Variants in PTPN13 observed in about 807,000 individuals in gnomAD.
PTPN13 encodes the protein protein tyrosine phosphatase non-receptor type 13.
In PTPN13, 191 loss-of-function variants were observed where a neutral mutation model predicts 284.0. That is an observed-to-expected ratio of 0.67 (90% CI 0.60 to 0.76). The LOEUF is 0.76. Among genes scored for constraint, PTPN13 ranks in the 30% least tolerant of loss-of-function variants. PTPN13 has a pLI of 0.00. For missense variants in PTPN13, 2,797 were observed against 2,939.9 expected, an observed-to-expected ratio of 0.95 and a Z score of 1.12; for synonymous variants, 986 against 1,022.3, an observed-to-expected ratio of 0.96 and a Z score of 0.68.
chr4:86,713,923 A>AATAT (rs1732711625), intron 7 of PTPN13, among the ~76,000 whole-genome samples: 1 of 152,144 alleles, frequency 6.6e-6, no homozygotes, highest in African/African-American at 2.4e-5. Flanking sequence ...CAACATAAGG[A>AATAT]ATAATTCATC....
chr4:86,803,064 CTG>C (rs143647187), intron 42 of PTPN13, among the ~76,000 whole-genome samples: 6,058 of 135,924 alleles, frequency 0.045, 143 homozygotes, highest in East Asian at 0.11. Context: ...CAGAATAAGA[CTG>C]TGTGTGTGTG....
At chr4:86,761,139 A>AATATATATATAGATATATATAT (rs1738625501) in intron 23 of PTPN13, among the ~76,000 whole-genome samples, 1 of 120,694 alleles carries the variant, frequency 8.3e-6, no homozygotes, top group Non-Finnish European at 1.7e-5. Context: ...TGTGTGTGTA[A>AATATATATATAGATATATATAT]ATATATATAT....
intron 12 of PTPN13, 66 bp from the exon 13 acceptor site, chr4:86,734,237 A>G (rs1387629051): frequency 1.4e-5 from 18 of 1,242,802 alleles, no homozygotes; most frequent in Non-Finnish European, 2.0e-5. Flanking sequence ...CAAAAAGTGA[A>G]GAAATCGGAA....
intron 40 of PTPN13, among the ~76,000 whole-genome samples, chr4:86,790,725 T>A (rs1187538231): frequency 6.6e-6 from 1 of 152,162 alleles, no homozygotes; most frequent in Middle Eastern, 3.2e-3. Context: ...TTGAAGCCAC[T>A]GGGTAAAGGG....
intron 2 of PTPN13, among the ~76,000 whole-genome samples, chr4:86,657,715 G>A (rs1490493647): frequency 1.3e-5 from 2 of 152,198 alleles, no homozygotes; most frequent in East Asian, 1.9e-4. Context: ...CTGGGACTGA[G>A]TCTCTTCCAT....
At chr4:86,668,226 A>G (rs1727309131) in intron 2 of PTPN13, among the ~76,000 whole-genome samples, 1 of 152,210 alleles carries the variant, frequency 6.6e-6, no homozygotes, top group African/African-American at 2.4e-5. Context: ...AAAACACAGT[A>G]CACGGAATTA....
chr4:86,690,661 T>C (rs749933439), intron 5 of PTPN13, among the ~76,000 whole-genome samples: 2 of 152,126 alleles, frequency 1.3e-5, no homozygotes, highest in Non-Finnish European at 2.9e-5. Context: ...CCACACTTTC[T>C]CTAAGACTTT....
chr4:86,663,442 G>A (rs1053834485), intron 2 of PTPN13, among the ~76,000 whole-genome samples: 5 of 152,168 alleles, frequency 3.3e-5, no homozygotes, highest in East Asian at 3.9e-4. Context: ...TCTTCTTTGC[G>A]TCCCTGTGTC....
Position 86,617,377 on chromosome 4 carries a change from C to A in PTPN13, c.-5-17875C>A, listed in dbSNP as rs1204568296. Among the ~76,000 whole-genome samples the A allele has an allele frequency of 2.0e-5, 3 of 152,014 alleles. No homozygotes were observed. The South Asian group carries it at 6.3e-4, about 32-fold the overall frequency. ...TTTACGATGGTGCAAAAACAGTAGGCATTGAATTGAAACAGTACTTGGAAT... is the reference window on the plus strand; with the variant it reads ...TTTACGATGGTGCAAAAACAGTAGGAATTGAATTGAAACAGTACTTGGAAT... On this transcript the variant is annotated intron_variant, in intron 1 of 47. Transcript: ENST00000411767.
chr4:86,655,527 C>A (rs1429175631), intron 2 of PTPN13, among the ~76,000 whole-genome samples: 2 of 152,150 alleles, frequency 1.3e-5, no homozygotes, highest in Non-Finnish European at 2.9e-5. Context: ...ATATGAAATT[C>A]TGGGTTGAAA....
chr4:86,652,518 T>C (rs904948374), intron 2 of PTPN13, among the ~76,000 whole-genome samples: 7 of 152,176 alleles, frequency 4.6e-5, no homozygotes, highest in African/African-American at 1.7e-4. Flanking sequence ...GAAGGATAAT[T>C]TTGCTGGATA....
intron 40 of PTPN13, among the ~76,000 whole-genome samples, chr4:86,792,229 C>T (rs554753193): frequency 5.7e-4 from 86 of 151,936 alleles, no homozygotes; most frequent in African/African-American, 1.4e-3. Flanking sequence ...CTTCAATCGC[C>T]GATTCGATCA....
chr4:86,703,444 A>C (rs1731381234), intron 7 of PTPN13, among the ~76,000 whole-genome samples: 1 of 152,100 alleles, frequency 6.6e-6, no homozygotes, highest in Admixed American at 6.5e-5. Flanking sequence ...TGTGAAAAAA[A>C]AAAAACCTTC....
chr4:86,598,771 A>T (rs1221228129), intron 1 of PTPN13, among the ~76,000 whole-genome samples: 1 of 150,850 alleles, frequency 6.6e-6, no homozygotes, highest in Non-Finnish European at 1.5e-5. Context: ...AAGTTTTTTA[A>T]TTTTTTTTTA....
Position 86,814,502 on chromosome 4 carries a change from G to A in PTPN13, c.7409G>A (p.Arg2470His), listed in dbSNP as rs372369069. The change falls in exon 48 of 48, where the codon CGT (arginine) becomes CAT (histidine). Residue 2470 changes from arginine to histidine, a missense_variant. Arg to His is a conservative substitution (Grantham distance 29). Transcript: ENST00000411767. ...CAAGTCATCCTTTATGTCCTGACAC[G>A]TCTTCAAGCAGAAGAAGAGCAAAAA... ...CYQVILYVLT[R>H]LQAEEEQKQQ... 1.7e-5 allele frequency: 27 copies of A among 1,612,372 alleles called. No homozygotes were observed. The highest frequency in any genetic ancestry group is 8.9e-5 in the East Asian group (4 of 44,790).
In PTPN13 at chr4:86,701,665, C is replaced by T. The variant is rs1266590673; in HGVS notation, c.1059C>T (p.Ile353=). The change falls in exon 7 of 48, where the codon ATC becomes ATT. Residue 353 remains isoleucine (I), a synonymous_variant. Transcript: ENST00000411767. ...CAGATGGAAGTATAGCCTTGGATAT[C>T]TTTGGCCCTCAGAAAATGGATCCAA... ...RYSDGSIALD[I]FGPQKMDPIY... is the part of the protein sequence containing the mutation. 2 of 1,613,758 alleles carry T rather than the reference C, an allele frequency of 1.2e-6. No individual in the cohort carries two copies. The highest frequency in any genetic ancestry group is 2.7e-5 in the African/African-American group (2 of 74,884).
chr4:86,629,725 A>G (rs945961215), intron 1 of PTPN13, among the ~76,000 whole-genome samples: 4 of 152,072 alleles, frequency 2.6e-5, no homozygotes, highest in African/African-American at 7.2e-5. Context: ...TTATTTTTAA[A>G]TGAACATTCT....
At chr4:86,724,555 T>C (rs1734023954) in intron 10 of PTPN13, among the ~76,000 whole-genome samples, 1 of 152,198 alleles carries the variant, frequency 6.6e-6, no homozygotes, top group Admixed American at 6.5e-5. Context: ...AGATATTTTG[T>C]GTCAGTGATT....
At position 86,753,041 on chromosome 4, in the gene PTPN13, T is replaced by A; in HGVS notation, c.3199T>A (p.Ser1067Thr). Residue 1067 changes from serine to threonine, a missense_variant, in exon 20 of 48, where the codon TCC becomes ACC. Physicochemically the swap from Ser to Thr is moderately conservative, Grantham distance 58. Coordinates refer to ENST00000411767, the MANE Select transcript of PTPN13 (RefSeq NM_080683.3). Reference protein sequence around the residue: ...MTMHSSGNSSSQVPLKENDVL... With the variant: ...MTMHSSGNSSTQVPLKENDVL... ...TATGCATAGTTCTGGAAACTCTTCA[T>A]CCCAAGTACCCTTAAAAGAAAATGG... is the stretch of plus-strand genomic sequence containing the variant. 6.2e-7 allele frequency: 1 copy of A among 1,608,418 alleles called. No homozygotes were observed. Among genetic ancestry groups the A allele is most frequent in the Non-Finnish European group, 8.5e-7 (1 of 1,175,952 alleles).
Sources: allele counts gnomAD v4.1 joint callset (sites outside exome capture counted in the v4.1 genomes callset), GRCh38; gene constraint gnomAD v4.1.1; transcripts MANE v1.5; gene names NCBI Gene and HGNC (gene_info 2026-07-23, HGNC 2026-07-21).